Variants in DACH2 observed in about 807,000 individuals in gnomAD.
The protein encoded by DACH2 is dachshund family transcription factor 2.
DACH2 carries 17 observed loss-of-function variants against 35.8 expected under a neutral mutation model. The ratio of observed to expected loss-of-function variants is 0.48; its 90% CI spans 0.33 to 0.71. The LOEUF is 0.71. Among genes scored for constraint, DACH2 ranks in the 30% least tolerant of loss-of-function variants. The pLI is 0.02. For missense variants in DACH2, 469 were observed against 472.7 expected (o/e 0.99, Z 0.07); for synonymous variants, 195 against 177.3 (o/e 1.10, Z -0.79).
At chrX:86,296,554 G>A (rs777635368) in intron 1 of DACH2, among the ~76,000 whole-genome samples, 5 of 111,124 alleles carry the variant, frequency 4.5e-5, no homozygotes, top group African/African-American at 1.6e-4. Context: ...TTGGCAGTGT[G>A]TTTTATAAAT....
At chrX:86,656,947 T>C (rs191088973) in intron 4 of DACH2, among the ~76,000 whole-genome samples, 2 of 100,366 alleles carry the variant, frequency 2.0e-5, no homozygotes, top group East Asian at 6.5e-4. Context: ...TGCAACAACA[T>C]TGATGGAACT....
chrX:86,568,894 G>A (rs1439404225), intron 3 of DACH2, among the ~76,000 whole-genome samples: 2 of 111,260 alleles, frequency 1.8e-5, no homozygotes, highest in Non-Finnish European at 3.8e-5. Context: ...GAAGAAATTC[G>A]TTACGTCTGT....
chrX:86,744,073 T>C (rs1181887141), intron 7 of DACH2, among the ~76,000 whole-genome samples: 1 of 111,593 alleles, frequency 9.0e-6, no homozygotes, highest in Non-Finnish European at 1.9e-5. Flanking sequence ...AGCACTCAAG[T>C]ATACACTATT....
chrX:86,546,344 CTTCTTCTTCT>C (rs2038958034), intron 3 of DACH2, among the ~76,000 whole-genome samples: 2 of 76,706 alleles, frequency 2.6e-5, no homozygotes, highest in African/African-American at 6.3e-5. Flanking sequence ...TCTTCCTCTT[CTTCTTCTTCT>C]TCCTCTTCTT....
At chrX:86,566,806 A>G (rs1468970431) in intron 3 of DACH2, among the ~76,000 whole-genome samples, 1 of 111,181 alleles carries the variant, frequency 9.0e-6, no homozygotes. Context: ...TATTTCTTTT[A>G]TCCTCGCAAG....
intron 1 of DACH2, among the ~76,000 whole-genome samples, chrX:86,361,020 A>G (rs1383715834): frequency 9.0e-6 from 1 of 111,556 alleles, no homozygotes; most frequent in Non-Finnish European, 1.9e-5. Flanking sequence ...TGAAACACAT[A>G]TAAAACCTGC....
chrX:86,825,473 G>A (rs2042555293), intron 11 of DACH2, among the ~76,000 whole-genome samples: 1 of 111,554 alleles, frequency 9.0e-6, no homozygotes, highest in Non-Finnish European at 1.9e-5. Flanking sequence ...ATATGCTTAT[G>A]GAAAGTGGGG....
At chrX:86,219,681 T>C (rs2032656657) in intron 1 of DACH2, among the ~76,000 whole-genome samples, 2 of 111,602 alleles carry the variant, frequency 1.8e-5, no homozygotes, top group South Asian at 3.7e-4. Context: ...ATTGTTTCCT[T>C]TGATGTGCAA....
chrX:86,538,661 C>T (rs895622968), intron 3 of DACH2, among the ~76,000 whole-genome samples: 2 of 111,262 alleles, frequency 1.8e-5, no homozygotes, highest in African/African-American at 6.5e-5. Context: ...AGAGAGCAAA[C>T]TTTTAGCCTC....
chrX:86,301,196 G>A (rs562228575), intron 1 of DACH2, among the ~76,000 whole-genome samples: 11 of 111,464 alleles, frequency 9.9e-5, no homozygotes, highest in African/African-American at 2.9e-4. Flanking sequence ...ATTTGGCATG[G>A]GAGAGAAAAG....
chrX:86,386,456 A>G (rs1024922873), intron 2 of DACH2, among the ~76,000 whole-genome samples: 6 of 107,552 alleles, frequency 5.6e-5, no homozygotes, highest in African/African-American at 2.0e-4. Flanking sequence ...CTTTCTTTCT[A>G]TATTATACTC....
At chrX:86,798,310 A>G in intron 7 of DACH2, among the ~76,000 whole-genome samples, 1 of 112,190 alleles carries the variant, frequency 8.9e-6, no homozygotes, top group Non-Finnish European at 1.9e-5. Context: ...AAGAAACAGG[A>G]AATCTTATTT....
intron 3 of DACH2, among the ~76,000 whole-genome samples, chrX:86,577,775 A>G (rs898238207): frequency 1.8e-5 from 2 of 111,161 alleles, no homozygotes; most frequent in Non-Finnish European, 3.8e-5. Flanking sequence ...CCAATGGTTT[A>G]ATCAATCATG....
intron 2 of DACH2, among the ~76,000 whole-genome samples, chrX:86,436,456 A>C (rs998794543): frequency 1.8e-5 from 2 of 110,587 alleles, no homozygotes; most frequent in Middle Eastern, 4.7e-3. Context: ...TAGCCTGTTG[A>C]GGTGATGGAC....
intron 3 of DACH2, among the ~76,000 whole-genome samples, chrX:86,632,550 G>A (rs2040214733): frequency 9.2e-6 from 1 of 108,434 alleles, no homozygotes; most frequent in South Asian, 3.9e-4. Flanking sequence ...AAACTATTAT[G>A]TTGAATTCTA....
At chrX:86,715,056 T>C (rs1341715049) in intron 6 of DACH2, among the ~76,000 whole-genome samples, 2 of 111,515 alleles carry the variant, frequency 1.8e-5, no homozygotes, top group African/African-American at 6.5e-5. Context: ...ACACTGTGCA[T>C]CTTTTTGGAG....
In DACH2 at chrX:86,657,191, A is replaced by C. The variant is rs73506385; in HGVS notation, c.772+6024A>C. Among the ~76,000 whole-genome samples the C allele has an allele frequency of 1.7e-3, 183 of 109,472 alleles. 1 individual carries two copies. Among genetic ancestry groups the C allele is most frequent in the African/African-American group, 5.9e-3 (178 of 30,195 alleles). ...TATGTGCTAGCACAACAGGGATACT[A>C]TAGTCAAAAATAATTTAGTTGTACA... On this transcript the variant is annotated intron_variant, in intron 4 of 11. Transcript: ENST00000373125.
chrX:86,402,737 CA>C (rs2036456123), intron 2 of DACH2, among the ~76,000 whole-genome samples: 1 of 111,465 alleles, frequency 9.0e-6, no homozygotes, highest in Non-Finnish European at 1.9e-5. Context: ...CAATCCTGAG[CA>C]AAAAGAACAA....
intron 1 of DACH2, chrX:86,161,417 C>CAGTTACT: frequency 1.6e-6 from 1 of 619,730 alleles, no homozygotes; most frequent in Non-Finnish European, 2.3e-6. Flanking sequence ...TACATGAGGC[C>CAGTTACT]AGTTACTGAC....
Sources: allele counts gnomAD v4.1 joint callset (sites outside exome capture counted in the v4.1 genomes callset), GRCh38; gene constraint gnomAD v4.1.1; transcripts MANE v1.5; gene names NCBI Gene and HGNC (gene_info 2026-07-23, HGNC 2026-07-21).